Variants in SORCS1 observed in about 807,000 individuals in gnomAD.
SORCS1 encodes sortilin related VPS10 domain containing receptor 1.
Under a neutral mutation model 146.1 loss-of-function variants are expected in SORCS1, and 60 were observed. That is an observed-to-expected ratio of 0.41 (90% confidence interval 0.33 to 0.51). The LOEUF is 0.51. SORCS1 is among the 20% of genes least tolerant of loss of function. The probability of loss-of-function intolerance (pLI) is 0.21; values close to 1 mark genes in which losing one functional copy is unlikely to be tolerated. For synonymous variants in SORCS1, 637 were observed against 584.0 expected (o/e 1.09, Z -1.31); for missense variants, 1,352 against 1,487.6 (o/e 0.91, Z 1.50).
At chr10:106,604,213 T>C (rs1354195022) in intron 23 of SORCS1, among the ~76,000 whole-genome samples, 2 of 152,208 alleles carry the variant, frequency 1.3e-5, no homozygotes, top group African/African-American at 4.8e-5. Flanking sequence ...TGAGTGGTTC[T>C]GAATTCATCT....
intron 1 of SORCS1, among the ~76,000 whole-genome samples, chr10:107,066,099 T>C (rs1213712130): frequency 6.6e-6 from 1 of 152,192 alleles, no homozygotes; most frequent in Non-Finnish European, 1.5e-5. Context: ...TAATGGTCAC[T>C]AATATTTTTA....
intron 1 of SORCS1, among the ~76,000 whole-genome samples, chr10:106,992,140 T>C (rs1956794250): frequency 6.6e-6 from 1 of 152,184 alleles, no homozygotes; most frequent in Non-Finnish European, 1.5e-5. Context: ...TGGATGCTTG[T>C]TTGTATTTAC....
At chr10:107,018,247 T>A (rs1426731970) in intron 1 of SORCS1, among the ~76,000 whole-genome samples, 1 of 151,998 alleles carries the variant, frequency 6.6e-6, no homozygotes, top group Non-Finnish European at 1.5e-5. Flanking sequence ...CAATCTTGGC[T>A]CACTGCAAGC....
At position 107,039,201 on chromosome 10, in the gene SORCS1, G is replaced by A. The variant is rs996060515; in HGVS notation, c.559-82621C>T. On this transcript the variant is annotated intron_variant, in intron 1 of 25. Coordinates refer to ENST00000263054, the MANE Select transcript of SORCS1 (RefSeq NM_052918.5). ...AAAATAGCCGGGCGTAGTGGCGGGC[G>A]CCTGTAATCCCAGCTACTTGGGAGG... Among the ~76,000 whole-genome samples the A allele has an allele frequency of 6.6e-5, 10 of 151,740 alleles. No individual in the cohort carries two copies. In the East Asian group the frequency reaches 1.2e-3, roughly 18 times the overall value.
intron 3 of SORCS1, among the ~76,000 whole-genome samples, chr10:106,795,329 A>G (rs1244899560): frequency 6.6e-6 from 1 of 152,134 alleles, no homozygotes; most frequent in East Asian, 1.9e-4. Context: ...CTTCTAGAGA[A>G]CTAAGGTTCT....
At chr10:107,009,772 T>A (rs1188535323) in intron 1 of SORCS1, among the ~76,000 whole-genome samples, 1 of 152,184 alleles carries the variant, frequency 6.6e-6, no homozygotes, top group East Asian at 1.9e-4. Flanking sequence ...AAGAAACCTG[T>A]TTTTTGACTT....
At chr10:106,665,877 C>A (rs566958005) in intron 17 of SORCS1, among the ~76,000 whole-genome samples, 4 of 152,166 alleles carry the variant, frequency 2.6e-5, no homozygotes, top group African/African-American at 9.6e-5. Context: ...CTCACTCTGC[C>A]GCCCAGGCTG....
At chr10:106,838,926 C>A (rs1237069843) in intron 2 of SORCS1, among the ~76,000 whole-genome samples, 2 of 152,084 alleles carry the variant, frequency 1.3e-5, no homozygotes, top group Non-Finnish European at 2.9e-5. Flanking sequence ...TTTTGGGGTG[C>A]CCTGAACCAT....
intron 1 of SORCS1, among the ~76,000 whole-genome samples, chr10:107,116,597 C>T (rs1399993518): frequency 6.6e-6 from 1 of 152,068 alleles, no homozygotes; most frequent in Non-Finnish European, 1.5e-5. Context: ...TATAATTTCA[C>T]TTATATGTAG....
At position 106,730,194 on chromosome 10, in the gene SORCS1, C is replaced by A. The variant is rs1856494181; in HGVS notation, c.960-80G>T. ...CCTTAGTGGAACTCGGCAGAGCCCC[C>A]AGACTATTAATATCCACAGGCATCT... is the stretch of plus-strand genomic sequence containing the variant. On this transcript the variant is annotated intron_variant, in intron 5 of 25. Coordinates refer to ENST00000263054, the MANE Select transcript of SORCS1 (RefSeq NM_052918.5). The A allele has an allele frequency of 2.2e-6, 3 of 1,337,524 alleles. No individual in the cohort carries two copies. In the South Asian group the frequency reaches 3.6e-5, roughly 16 times the overall value. The allele number at this position is 1,337,524 out of a possible 1,614,324, so 82.9% of individuals were successfully genotyped here. A position where few individuals can be genotyped will look rare whatever the true frequency, so the allele number is the denominator to read the frequency against.
chr10:107,156,890 T>C (rs889359847), intron 1 of SORCS1, among the ~76,000 whole-genome samples: 3 of 152,218 alleles, frequency 2.0e-5, no homozygotes, highest in Non-Finnish European at 4.4e-5. Context: ...CTGAAGTCTA[T>C]TAGCAGTGGA....
chr10:106,976,766 T>C (rs1956043905), intron 1 of SORCS1, among the ~76,000 whole-genome samples: 1 of 152,184 alleles, frequency 6.6e-6, no homozygotes, highest in African/African-American at 2.4e-5. Flanking sequence ...TTTGTTTAAC[T>C]CCCACTTATG....
chr10:106,956,805 C>A (rs1954966041), intron 1 of SORCS1, among the ~76,000 whole-genome samples: 1 of 152,208 alleles, frequency 6.6e-6, no homozygotes, highest in Non-Finnish European at 1.5e-5. Flanking sequence ...TGTCACCCTG[C>A]AGCAAGGGTT....
At chr10:106,721,544 CT>C (rs1564896796) in intron 6 of SORCS1, among the ~76,000 whole-genome samples, 3 of 152,188 alleles carry the variant, frequency 2.0e-5, no homozygotes, top group Admixed American at 2.0e-4. Context: ...AAGGATATGC[CT>C]TTTTAAAATT....
intron 1 of SORCS1, among the ~76,000 whole-genome samples, chr10:107,007,305 G>C (rs1410030657): frequency 6.6e-6 from 1 of 152,194 alleles, no homozygotes; most frequent in Non-Finnish European, 1.5e-5. Flanking sequence ...GTGACACTGT[G>C]CCATTTTCCA....
chr10:106,636,326 G>A (rs1345038987), intron 18 of SORCS1, among the ~76,000 whole-genome samples: 10 of 152,022 alleles, frequency 6.6e-5, no homozygotes, highest in Non-Finnish European at 1.5e-4. Context: ...GGTCACTAAG[G>A]GAGAAGACAG....
intron 15 of SORCS1, among the ~76,000 whole-genome samples, chr10:106,671,717 CCTATA>C (rs1851622028): frequency 6.6e-6 from 1 of 152,112 alleles, no homozygotes; most frequent in African/African-American, 2.4e-5. Flanking sequence ...GTTCAATTCC[CCTATA>C]ATAAAAGATG....
chr10:107,155,110 C>G (rs1055982732), intron 1 of SORCS1, among the ~76,000 whole-genome samples: 16 of 152,084 alleles, frequency 1.1e-4, no homozygotes, highest in African/African-American at 3.9e-4. Context: ...CATTGAATGA[C>G]AGAAATTTCA....
At chr10:106,591,094 T>A (rs1210531308) in intron 24 of SORCS1, among the ~76,000 whole-genome samples, 1 of 152,140 alleles carries the variant, frequency 6.6e-6, no homozygotes, top group Admixed American at 6.5e-5. Context: ...CAGTCCAAGG[T>A]ACGTGACCAT....
Sources: allele counts gnomAD v4.1 joint callset (sites outside exome capture counted in the v4.1 genomes callset), GRCh38; gene constraint gnomAD v4.1.1; transcripts MANE v1.5; gene names NCBI Gene and HGNC (gene_info 2026-07-23, HGNC 2026-07-21).